The following BAZ1A variants were observed in gnomAD, a reference collection of about 807,000 sequenced individuals.
BAZ1A encodes bromodomain adjacent to zinc finger domain 1A.
A neutral mutation model predicts 185.2 loss-of-function variants in BAZ1A; 50 were observed. The observed-to-expected ratio is 0.27, with a 90% CI of 0.22 to 0.34. The LOEUF is 0.34. Ranked by LOEUF, BAZ1A falls within the 10% of genes least tolerant of loss-of-function variation. The pLI is 1.00. For synonymous variants in BAZ1A, 571 were observed against 615.6 expected (o/e 0.93, Z 1.07); for missense variants, 1,356 against 1,839.9 (o/e 0.74, Z 4.81).
At chr14:34,832,213 C>CATAT (rs1491212993) in intron 3 of BAZ1A, among the ~76,000 whole-genome samples, 15 of 78,640 alleles carry the variant, frequency 1.9e-4, no homozygotes, top group Non-Finnish European at 2.6e-4. Context: ...CACACACACA[C>CATAT]ACATATATAT....
At chr14:34,823,494 T>C (rs908386789) in intron 4 of BAZ1A, among the ~76,000 whole-genome samples, 3 of 151,870 alleles carry the variant, frequency 2.0e-5, no homozygotes, top group African/African-American at 7.3e-5. Context: ...ACCTCTTCTT[T>C]ACTAAAAATA....
At chr14:34,764,617 C>T in intron 23 of BAZ1A, 90 bp downstream of exon 23, 1 of 1,495,042 alleles carries the variant, frequency 6.7e-7, no homozygotes, top group Non-Finnish European at 9.0e-7. Context: ...AACTAAGTTA[C>T]AGACCCTAAC....
chr14:34,867,253 T>C (rs1290519036), intron 2 of BAZ1A, among the ~76,000 whole-genome samples: 3 of 152,136 alleles, frequency 2.0e-5, no homozygotes, highest in Non-Finnish European at 4.4e-5. Flanking sequence ...AGCGAGACTC[T>C]GTCTCAAACA....
Position 34,795,656 on chromosome 14 carries a change from T to G in BAZ1A, c.1224+14A>C, listed in dbSNP as rs758464662. On this transcript the variant is annotated intron_variant, in intron 10 of 26. Coordinates refer to ENST00000360310, the MANE Select transcript of BAZ1A (RefSeq NM_013448.3). ...AAACCTATGTGTGCTAAACATCACA[T>G]AACATGTTTATACCTTAAGGTCATC... 3 of 1,576,634 alleles carry G rather than the reference T, an allele frequency of 1.9e-6. No homozygotes were observed. The Admixed American group carries it at 5.4e-5, about 28-fold the overall frequency.
chr14:34,839,925 T>G (rs2042389316), intron 3 of BAZ1A, among the ~76,000 whole-genome samples: 1 of 151,986 alleles, frequency 6.6e-6, no homozygotes, highest in African/African-American at 2.4e-5. Context: ...TAAAAATTTT[T>G]TTAAGTCAGA....
At chr14:34,872,771 T>TA (rs2042969103) in intron 2 of BAZ1A, among the ~76,000 whole-genome samples, 1 of 151,896 alleles carries the variant, frequency 6.6e-6, no homozygotes, top group Non-Finnish European at 1.5e-5. Flanking sequence ...TCCTACCCTC[T>TA]AAAAGTGAGA....
chr14:34,791,981 A>T (rs1344467471), intron 12 of BAZ1A, among the ~76,000 whole-genome samples: 2 of 152,244 alleles, frequency 1.3e-5, no homozygotes, highest in Non-Finnish European at 2.9e-5. Context: ...AGGGCAAATT[A>T]TCTAGTTCAA....
intron 19 of BAZ1A, 87 bp from the exon 20 acceptor site, chr14:34,773,813 A>G: frequency 2.4e-6 from 3 of 1,263,422 alleles, no homozygotes; most frequent in Non-Finnish European, 3.3e-6. Flanking sequence ...TATAAAATCA[A>G]TTCATGGATA....
intron 3 of BAZ1A, among the ~76,000 whole-genome samples, chr14:34,857,302 C>T (rs1055351192): frequency 6.6e-6 from 1 of 151,714 alleles, no homozygotes; most frequent in African/African-American, 2.4e-5. Flanking sequence ...CACAACGCAC[C>T]CAGTCTCTTC....
chr14:34,800,991 A>C, intron 8 of BAZ1A, 103 bp downstream of exon 8: 2 of 787,444 alleles, frequency 2.5e-6, no homozygotes, highest in Non-Finnish European at 3.9e-6. Flanking sequence ...ACTTCAAAAC[A>C]ATTAACCAGA....
At chr14:34,764,026 C>T (rs1878627695) in intron 23 of BAZ1A, among the ~76,000 whole-genome samples, 1 of 152,112 alleles carries the variant, frequency 6.6e-6, no homozygotes, top group Non-Finnish European at 1.5e-5. Context: ...AGTGCTGCCA[C>T]AGAAGGAATA....
intron 3 of BAZ1A, among the ~76,000 whole-genome samples, chr14:34,853,697 G>A (rs1473038212): frequency 6.6e-6 from 1 of 152,166 alleles, no homozygotes; most frequent in South Asian, 2.1e-4. Flanking sequence ...TATGGCAGGA[G>A]AATTGCTTGA....
chr14:34,860,518 T>TAAAAAAAAAAAAAAAAAAACAAAAAAAAA (rs397852116), intron 3 of BAZ1A, among the ~76,000 whole-genome samples: 1 of 70,614 alleles, frequency 1.4e-5, no homozygotes, highest in Non-Finnish European at 2.5e-5. Context: ...TACCAAAAGT[T>TAAAAAAAAAAAAAAAAAAACAAAAAAAAA]AAAAAAAAAA....
chr14:34,836,378 CAAAAAAAAAAAAAAAAAAAAAAAAA>C lies in BAZ1A; in HGVS notation c.393-10247_393-10223del, dbSNP rs773500177. 5.3e-4 allele frequency among the ~76,000 whole-genome samples: 7 copies of C among 13,130 alleles called. 2 individuals are homozygous for C. Among genetic ancestry groups the C allele is most frequent in the South Asian group, 8.2e-3 (1 of 122 alleles). The allele number at this position is 13,130 out of a possible 152,430, so 8.6% of individuals were successfully genotyped here. ...TGGGCGACAGAGCGAGACTCCGTCT[CAAAAAAAAAAAAAAAAAAAAAAAAA>C]AAAAAAAAAAAAAAAACTTTCTATA... On this transcript the variant is annotated intron_variant, in intron 3 of 26. Transcript: ENST00000360310.
At chr14:34,854,950 G>T (rs899792222) in intron 3 of BAZ1A, among the ~76,000 whole-genome samples, 4 of 151,916 alleles carry the variant, frequency 2.6e-5, no homozygotes, top group African/African-American at 9.7e-5. Flanking sequence ...TTGGTGGTGC[G>T]GGCCTGTAAT....
rs1225939081 is a variant in BAZ1A at position 34,784,367 on chromosome 14, C to CCAAAAAAAAAAAAAAAAAAA, written c.1832-441_1832-440insTTTTTTTTTTTTTTTTTTTG. 4.4e-4 allele frequency among the ~76,000 whole-genome samples: 34 copies of CCAAAAAAAAAAAAAAAAAAA among 77,178 alleles called. 7 individuals are homozygous for CCAAAAAAAAAAAAAAAAAAA. The highest frequency in any genetic ancestry group is 1.3e-3 in the African/African-American group (21 of 16,420). 50.6% of individuals were successfully genotyped at this position (77,178 alleles called of 152,430 possible). Reference sequence around the variant, plus strand: ...TGGGCAACTGAGTGAGACTCTGTCTCAAAAAAAAAAAAAAAAAAAAAAAAA... The same window carrying CCAAAAAAAAAAAAAAAAAAA: ...TGGGCAACTGAGTGAGACTCTGTCTCCAAAAAAAAAAAAAAAAAAAAAAAAAAAAAAAAAAAAAAAAAAAA... On this transcript the variant is annotated intron_variant, in intron 14 of 26. Transcript: ENST00000360310.
At chr14:34,796,305 C>T (rs1881197701) in intron 9 of BAZ1A, among the ~76,000 whole-genome samples, 1 of 152,128 alleles carries the variant, frequency 6.6e-6, no homozygotes, top group Admixed American at 6.6e-5. Flanking sequence ...TGAGATCACA[C>T]CACTGCACTC....
chr14:34,836,816 C>T (rs2042338448), intron 3 of BAZ1A, among the ~76,000 whole-genome samples: 1 of 151,852 alleles, frequency 6.6e-6, no homozygotes. Context: ...GCTATTCACA[C>T]AAAAAGAGTG....
chr14:34,839,534 T>C (rs1310553587), intron 3 of BAZ1A, among the ~76,000 whole-genome samples: 3 of 117,890 alleles, frequency 2.5e-5, no homozygotes, highest in Non-Finnish European at 5.4e-5. Context: ...GCCAGAACTA[T>C]CTTTCAAAAA....
Sources: allele counts gnomAD v4.1 joint callset (sites outside exome capture counted in the v4.1 genomes callset), GRCh38; gene constraint gnomAD v4.1.1; transcripts MANE v1.5; gene names NCBI Gene and HGNC (gene_info 2026-07-23, HGNC 2026-07-21).